DHX30: variants seen among roughly 807,000 people sequenced by gnomAD.
The protein encoded by DHX30 is DExH-box helicase 30.
DHX30 carries 4 observed loss-of-function variants against 116.9 expected under a neutral mutation model. The observed-to-expected ratio is 0.03, with a 90% CI of 0.02 to 0.08. The LOEUF (loss-of-function observed/expected upper bound fraction) is 0.08. Among genes scored for constraint, DHX30 ranks in the 10% least tolerant of loss-of-function variants. DHX30 has a pLI of 1.00. For synonymous variants in DHX30, 697 were observed against 651.7 expected (o/e 1.07, Z -1.06); for missense variants, 871 against 1,595.1 (o/e 0.55, Z 7.73).
chr3:47,845,270 C>T (rs1263287557), intron 9 of DHX30, among the ~76,000 whole-genome samples: 1 of 152,120 alleles, frequency 6.6e-6, no homozygotes, highest in Non-Finnish European at 1.5e-5. Context: ...TCACTGCAAC[C>T]TGTGTCTCCA....
In DHX30 at chr3:47,847,071, T is replaced by C. The variant is rs1481568009; in HGVS notation, c.1929+70T>C. ...CGTGGATGCCCCTCCTCCCTGGCCC[T>C]GGGGCTTGGTGCCTGGGGCAAGTTA... On this transcript the variant is annotated intron_variant, in intron 11 of 21. Transcript: ENST00000445061. This position sits in a 1 kb window ranked among gnomAD's most constrained non-coding sequence, Gnocchi z 5.5. 1 of 1,548,600 alleles carries C rather than the reference T, an allele frequency of 6.5e-7. No homozygotes were observed. Among genetic ancestry groups the C allele is most frequent in the African/African-American group, 1.4e-5 (1 of 73,834 alleles).
intron 3 of DHX30, chr3:47,817,044 C>T (rs1477689608): frequency 1.4e-5 from 11 of 769,206 alleles, no homozygotes; most frequent in South Asian, 5.9e-5. Context: ...ATATCTTTCT[C>T]CTCTTTACCA....
intron 6 of DHX30, 110 bp from the exon 7 acceptor site, chr3:47,840,767 T>TGA: frequency 7.1e-7 from 1 of 1,414,062 alleles, no homozygotes; most frequent in Middle Eastern, 1.9e-4. Flanking sequence ...GGTAAACAGA[T>TGA]GAAAAACCAC....
Position 47,850,191 on chromosome 3 carries a change from T to C in DHX30, c.*71T>C. On this transcript the variant is annotated 3_prime_UTR_variant, in exon 22 of 22. Transcript: ENST00000445061. ...AAAATAAAGTTCTATTTATCCCTTG[T>C]GACCACTGCTGTCCACTAGGGGCTC... The C allele has an allele frequency of 6.8e-7, 1 of 1,472,488 alleles. No homozygotes were observed. 91.2% of individuals were successfully genotyped at this position (1,472,488 alleles called of 1,614,324 possible).
intron 2 of DHX30, among the ~76,000 whole-genome samples, chr3:47,806,594 C>T (rs2035537056): frequency 6.6e-6 from 1 of 151,890 alleles, no homozygotes; most frequent in Non-Finnish European, 1.5e-5. Context: ...TACAGGCGTG[C>T]ACCACCACGC....
intron 4 of DHX30, among the ~76,000 whole-genome samples, chr3:47,820,906 C>CT (rs71281896): frequency 0.18 from 24,787 of 137,420 alleles, 2,501 homozygotes; most frequent in South Asian, 0.27. Flanking sequence ...AAGGCTCTCT[C>CT]TTTTTTTTTT....
intron 6 of DHX30, among the ~76,000 whole-genome samples, chr3:47,837,860 C>A (rs893899799): frequency 1.3e-5 from 2 of 152,088 alleles, no homozygotes; most frequent in Non-Finnish European, 2.9e-5. Context: ...GGGCAGCATG[C>A]GCCAGCAGGG....
intron 4 of DHX30, among the ~76,000 whole-genome samples, chr3:47,819,956 C>T (rs1408092917): frequency 6.6e-6 from 1 of 152,192 alleles, no homozygotes; most frequent in Non-Finnish European, 1.5e-5. Context: ...CAAAACTGAT[C>T]TTTCCTGTCC....
At position 47,835,170 on chromosome 3, in the gene DHX30, ATTTTTTTTTTTTT is replaced by A. The variant is rs552610417; in HGVS notation, c.367-5699_367-5687del. The stretch of plus-strand genomic sequence containing the variant: ...AGGCATGTGCCATCATGCCTGGCTA[ATTTTTTTTTTTTT>A]TTTTTTTGACATGGAGGTTCGCTCT... On this transcript the variant is annotated intron_variant, in intron 6 of 21. Transcript: ENST00000445061. Among the ~76,000 whole-genome samples, 8 of 106,502 alleles carry A rather than the reference ATTTTTTTTTTTTT, an allele frequency of 7.5e-5. No individual in the cohort carries two copies. In the East Asian group the frequency reaches 1.8e-3, roughly 24 times the overall value. 69.9% of individuals were successfully genotyped at this position (106,502 alleles called of 152,430 possible).
chr3:47,850,104 A>G lies in DHX30; in HGVS notation c.3569A>G (p.Lys1190Arg), dbSNP rs761330809. 1.0e-5 allele frequency: 16 copies of G among 1,592,966 alleles called. No homozygotes were observed. Among genetic ancestry groups the G allele is most frequent in the African/African-American group, 4.0e-5 (3 of 74,690 alleles). ...RGPCGSFDVRKTADD is the reference protein window; with the variant it reads ...RGPCGSFDVRRTADD ...CCCTGTGGCAGCTTTGATGTGCGCA[A>G]GACAGCTGACGACTGAGCCCTGCTT... The change falls in exon 22 of 22, where the codon AAG becomes AGG. Residue 1190 changes from lysine (K) to arginine (R), a missense_variant. Around this residue, in one of 13 missense-constraint regions of DHX30, gnomAD observed 52 missense variants for 50.1 expected, o/e 1.04. Coordinates refer to ENST00000445061, the MANE Select transcript of DHX30 (RefSeq NM_138615.3).
intron 3 of DHX30, among the ~76,000 whole-genome samples, chr3:47,811,119 C>CT (rs774376185): frequency 8.8e-4 from 125 of 142,126 alleles, no homozygotes; most frequent in South Asian, 1.1e-3. Flanking sequence ...TCGGCTAATT[C>CT]TTTTTTTTTT....
Position 47,827,457 on chromosome 3 carries a change from A to T in DHX30, c.235A>T (p.Thr79Ser), listed in dbSNP as rs1340007982. The T allele has an allele frequency of 6.2e-7, 1 of 1,612,908 alleles. No individual in the cohort carries two copies. The highest frequency in any genetic ancestry group is 8.5e-7 in the Non-Finnish European group (1 of 1,179,654). ...AAAAGACAAACTAGTCTACGTGCACACAAATGGACCGAAGAAAAAGGTAAC... is the reference window on the plus strand; with the variant it reads ...AAAAGACAAACTAGTCTACGTGCACTCAAATGGACCGAAGAAAAAGGTAAC... ...HAKDKLVYVHTNGPKKKKVTL... is the reference protein window; with the variant it reads ...HAKDKLVYVHSNGPKKKKVTL... Residue 79 changes from threonine to serine, a missense_variant, in exon 5 of 22, where the codon ACA becomes TCA. Thr to Ser is a moderately conservative substitution (Grantham distance 58, BLOSUM62 1). Transcript: ENST00000445061.
At chr3:47,825,353 T>C (rs2036505211) in intron 4 of DHX30, 4 of 530,094 alleles carry the variant, frequency 7.5e-6, no homozygotes, top group Non-Finnish European at 1.3e-5. Flanking sequence ...GGGTCCTCTC[T>C]TCCATAGTGG....
At chr3:47,837,932 G>C (rs1292813946) in intron 6 of DHX30, among the ~76,000 whole-genome samples, 1 of 152,214 alleles carries the variant, frequency 6.6e-6, no homozygotes, top group African/African-American at 2.4e-5. Context: ...GCTGGTGGAT[G>C]TTGGTACAGC....
At chr3:47,826,399 G>A (rs2036553772) in intron 4 of DHX30, among the ~76,000 whole-genome samples, 1 of 151,894 alleles carries the variant, frequency 6.6e-6, no homozygotes, top group African/African-American at 2.4e-5. Context: ...CAGAGAACTT[G>A]GGGGAGGAGT....
chr3:47,804,605 C>G (rs2035438580), intron 1 of DHX30, among the ~76,000 whole-genome samples: 1 of 152,146 alleles, frequency 6.6e-6, no homozygotes. Flanking sequence ...GCTGTTGGAC[C>G]TTTCTTGCCC....
At position 47,849,510 on chromosome 3, in the gene DHX30, G is replaced by A. The variant is rs34010809; in HGVS notation, c.3147G>A (p.Arg1049=). The stretch of plus-strand genomic sequence containing the variant: ...TCAAGCCCAACAGCGTCACATATAG[G>A]ACCAAATCAGGCAACATCCTGCTGC... ...GKFKPNSVTY[R]TKSGNILLHK... Residue 1049 remains arginine (R), a synonymous_variant, in exon 20 of 22, where the codon AGG becomes AGA. Coordinates refer to ENST00000445061, the MANE Select transcript of DHX30 (RefSeq NM_138615.3). 3,118 of 1,602,776 alleles carry A rather than the reference G, an allele frequency of 1.9e-3. 71 individuals are homozygous for A. In the South Asian group the frequency reaches 0.033, roughly 17 times the overall value.
Position 47,803,167 on chromosome 3 carries a change from G to A in DHX30, c.-168G>A. ...TCCGGCCGTGGTTGGGGGAGCCGCG[G>A]CTCATGCGCGGTGCACAGAGGCTTG... On this transcript the variant is annotated 5_prime_UTR_variant, in exon 1 of 22. Coordinates refer to ENST00000445061, the MANE Select transcript of DHX30 (RefSeq NM_138615.3). 2.5e-6 allele frequency: 1 copy of A among 394,088 alleles called. No homozygotes were observed. Among genetic ancestry groups the A allele is most frequent in the East Asian group, 3.6e-5 (1 of 27,762 alleles). The allele number at this position is 394,088 out of a possible 1,614,324, so 24.4% of individuals were successfully genotyped here.
intron 4 of DHX30, among the ~76,000 whole-genome samples, chr3:47,819,759 G>T (rs2036214987): frequency 6.6e-6 from 1 of 152,104 alleles, no homozygotes; most frequent in Non-Finnish European, 1.5e-5. Context: ...GAAAAAAAAT[G>T]ATCACCTCCC....
Sources: gnomAD v4.1 joint callset for allele counts (sites outside exome capture counted in the v4.1 genomes callset) on GRCh38, gnomAD v4.1.1 for gene constraint, gnomAD v4.1.1 regional missense constraint, Gnocchi (gnomAD v3.1) non-coding constraint, MANE v1.5 for transcripts, NCBI Gene and HGNC (gene_info 2026-07-23, HGNC 2026-07-21) for gene names.